Variants in APPL1 observed in about 807,000 individuals in gnomAD.
The protein encoded by APPL1 is DCC-interacting protein 13-alpha.
In APPL1, 42 loss-of-function variants were observed where a neutral mutation model predicts 106.8. That is an observed-to-expected ratio of 0.39 (90% confidence interval 0.31 to 0.51). The LOEUF (loss-of-function observed/expected upper bound fraction) is 0.51. Ranked by LOEUF, APPL1 falls within the 20% of genes least tolerant of loss-of-function variation. The pLI is 0.75. For missense variants in APPL1, 769 were observed against 858.2 expected (o/e 0.90, Z 1.30); for synonymous variants, 263 against 281.8 (o/e 0.93, Z 0.67).
chr3:57,252,210 G>A lies in APPL1; in HGVS notation c.1053-59G>A, dbSNP rs78827804. 2,332 of 1,394,614 alleles carry A rather than the reference G, an allele frequency of 1.7e-3. 23 individuals are homozygous for A. In the African/African-American group the frequency reaches 0.027, roughly 16 times the overall value. The allele number at this position is 1,394,614 out of a possible 1,614,324, so 86.4% of individuals were successfully genotyped here. A position where few individuals can be genotyped will look rare whatever the true frequency, so the allele number is the denominator to read the frequency against. On this transcript the variant is annotated intron_variant, in intron 11 of 21. Transcript: ENST00000288266. ...ACTTTAAAGATTAAAAAGTTACCTC[G>A]GATTATGTTGAAAATACTTTTTTAA... is the stretch of plus-strand genomic sequence containing the variant.
rs956044918 is a variant in APPL1 at position 57,270,390 on chromosome 3, C to T, written c.*703C>T. 31 of 152,588 alleles carry T rather than the reference C, an allele frequency of 2.0e-4. No homozygotes were observed. The highest frequency in any genetic ancestry group is 6.0e-4 in the African/African-American group (25 of 41,424). The allele number at this position is 152,588 out of a possible 1,614,324, so 9.5% of individuals were successfully genotyped here. ...ATTTTATTATCACATTCTTAGTTCTCAGGTTGGGACTTCAATTACTGCTGC... is the reference window on the plus strand; with the variant it reads ...ATTTTATTATCACATTCTTAGTTCTTAGGTTGGGACTTCAATTACTGCTGC... On this transcript the variant is annotated 3_prime_UTR_variant, in exon 22 of 22. Transcript: ENST00000288266.
At chr3:57,234,782 A>G (rs1163952900) in intron 1 of APPL1, among the ~76,000 whole-genome samples, 1 of 151,928 alleles carries the variant, frequency 6.6e-6, no homozygotes, top group Non-Finnish European at 1.5e-5. Flanking sequence ...CAGCCTCCTG[A>G]GTAGCTGTGA....
Position 57,248,329 on chromosome 3 carries a change from G to T in APPL1, c.841G>T (p.Ala281Ser). The change falls in exon 10 of 22, where the codon GCT (alanine) becomes TCT (serine). Residue 281 changes from alanine to serine, a missense_variant. By Grantham distance (99) the Ala-to-Ser change is moderately conservative (BLOSUM62 1). Coordinates refer to ENST00000288266, the MANE Select transcript of APPL1 (RefSeq NM_012096.3). ...TGTTAATCGAAATTTAACCCGAAAG[G>T]CTGGATACCTTAATGCTAGGAAGTA... ...FPVNRNLTRK[A>S]GYLNARNKTG... 6.2e-7 allele frequency: 1 copy of T among 1,614,060 alleles called. No individual in the cohort carries two copies. Among genetic ancestry groups the T allele is most frequent in the Non-Finnish European group, 8.5e-7 (1 of 1,179,990 alleles).
At chr3:57,259,126 G>T (rs770389584) in intron 16 of APPL1, 46 bp downstream of exon 16, 1 of 1,454,090 alleles carries the variant, frequency 6.9e-7, no homozygotes, top group East Asian at 2.3e-5. Flanking sequence ...CTGCTTCTCA[G>T]CAAACTGTGA....
At chr3:57,268,645 C>T in intron 21 of APPL1, 158 bp downstream of exon 21, 1 of 731,080 alleles carries the variant, frequency 1.4e-6, no homozygotes, top group Non-Finnish European at 2.0e-6. Context: ...AGGGTCACAT[C>T]TGTTTTTTGA....
chr3:57,230,885 AATTTT>A (rs1173088277), intron 1 of APPL1: 3 of 320,212 alleles, frequency 9.4e-6, no homozygotes, highest in African/African-American at 7.0e-5. Context: ...AAGCTCAGCT[AATTTT>A]ATTTTATTTT....
At chr3:57,267,429 A>G (rs547153026) in intron 19 of APPL1, among the ~76,000 whole-genome samples, 1 of 152,328 alleles carries the variant, frequency 6.6e-6, no homozygotes, top group South Asian at 2.1e-4. Context: ...AGCCATTTTC[A>G]GATGTCTTCA....
chr3:57,264,559 A>T (rs1299138304), intron 19 of APPL1, among the ~76,000 whole-genome samples: 1 of 149,860 alleles, frequency 6.7e-6, no homozygotes, highest in Non-Finnish European at 1.5e-5. Context: ...TATTTAAAAA[A>T]ATTTAAAAAA....
chr3:57,229,807 G>A (rs1039102365), intron 1 of APPL1, among the ~76,000 whole-genome samples: 1 of 145,772 alleles, frequency 6.9e-6, no homozygotes, highest in African/African-American at 2.6e-5. Context: ...TCTGCCTCCC[G>A]GGTTCAAGTG....
Position 57,227,732 on chromosome 3 carries a change from C to A in APPL1, c.-152C>A, listed in dbSNP as rs965683268. 3.4e-5 allele frequency: 20 copies of A among 593,772 alleles called. No individual in the cohort carries two copies. Among genetic ancestry groups the A allele is most frequent in the Non-Finnish European group, 4.2e-5 (17 of 405,404 alleles). The allele number at this position is 593,772 out of a possible 1,614,324, so 36.8% of individuals were successfully genotyped here. A position where few individuals can be genotyped will look rare whatever the true frequency, so the allele number is the denominator to read the frequency against. On this transcript the variant is annotated 5_prime_UTR_variant, in exon 1 of 22. Coordinates refer to ENST00000288266, the MANE Select transcript of APPL1 (RefSeq NM_012096.3). ...GGCCGAGGGGGCGGGATTTCCCGCA[C>A]GGCCGCTCGGCGCCTGGAGAAGGCT...
intron 1 of APPL1, among the ~76,000 whole-genome samples, chr3:57,231,441 C>T (rs1231335668): frequency 6.7e-6 from 1 of 149,868 alleles, no homozygotes; most frequent in Non-Finnish European, 1.5e-5. Context: ...GCTGGGATTA[C>T]AGATGTGAGC....
chr3:57,245,282 T>C (rs2060766813), intron 7 of APPL1, among the ~76,000 whole-genome samples: 1 of 152,120 alleles, frequency 6.6e-6, no homozygotes, highest in South Asian at 2.1e-4. Flanking sequence ...TAAATATTTG[T>C]TGTCTGAATA....
chr3:57,248,165 T>C, intron 9 of APPL1, 28 bp from the exon 10 acceptor site: 1 of 1,583,234 alleles, frequency 6.3e-7, no homozygotes, highest in Non-Finnish European at 8.6e-7. Flanking sequence ...TGGTTGTGAT[T>C]TGTAGCAAAT....
chr3:57,232,580 G>C (rs946039927), intron 1 of APPL1, among the ~76,000 whole-genome samples: 10 of 152,206 alleles, frequency 6.6e-5, no homozygotes, highest in African/African-American at 2.4e-4. Context: ...TTTGCTGAAT[G>C]AGTATCAGTT....
At chr3:57,237,403 TAA>T (rs1215381003) in intron 2 of APPL1, 87 bp from the exon 3 acceptor site, 21 of 876,540 alleles carry the variant, frequency 2.4e-5, no homozygotes, top group African/African-American at 3.5e-5. Context: ...ATATTTATGT[TAA>T]GTGATAATAA....
At chr3:57,254,343 A>G (rs1029160547) in intron 13 of APPL1, among the ~76,000 whole-genome samples, 3 of 152,270 alleles carry the variant, frequency 2.0e-5, no homozygotes, top group Admixed American at 6.5e-5. Flanking sequence ...TCTGCCCTCT[A>G]GGAGCCTATC....
chr3:57,257,038 C>A lies in APPL1; in HGVS notation c.1234C>A (p.Arg412=). The change falls in exon 14 of 22, where the codon CGG becomes AGG. Residue 412 remains arginine, a synonymous_variant. Transcript: ENST00000288266. ...PSFQQRHESL[R]PAAGQSRPPT... Reference sequence around the variant, plus strand: ...TTTCCAGCAGAGGCACGAGAGCCTGCGGCCAGCAGCAGGGTAAGTTACCAC... The same window carrying A: ...TTTCCAGCAGAGGCACGAGAGCCTGAGGCCAGCAGCAGGGTAAGTTACCAC... 1 of 1,614,068 alleles carries A rather than the reference C, an allele frequency of 6.2e-7. No homozygotes were observed. The highest frequency in any genetic ancestry group is 8.5e-7 in the Non-Finnish European group (1 of 1,179,962).
chr3:57,260,918 A>ACATGTG, intron 19 of APPL1, 144 bp downstream of exon 19: 2 of 1,016,428 alleles, frequency 2.0e-6, no homozygotes, highest in Non-Finnish European at 2.7e-6. Flanking sequence ...TTTATGAGGC[A>ACATGTG]CATGTGAATT....
chr3:57,261,349 C>T (rs2060864267), intron 19 of APPL1, among the ~76,000 whole-genome samples: 1 of 152,084 alleles, frequency 6.6e-6, no homozygotes, highest in Non-Finnish European at 1.5e-5. Context: ...TTTCTTTATT[C>T]ATTTATCTGT....
Sources: allele counts gnomAD v4.1 joint callset (sites outside exome capture counted in the v4.1 genomes callset), GRCh38; gene constraint gnomAD v4.1.1; transcripts MANE v1.5; gene names NCBI Gene and HGNC (gene_info 2026-07-23, HGNC 2026-07-21).